Variants in NRG1 observed in about 807,000 individuals in gnomAD.
NRG1 encodes the protein pro-neuregulin-1, membrane-bound isoform.
In NRG1, 18 loss-of-function variants were observed where a neutral mutation model predicts 63.8. The ratio of observed to expected loss-of-function variants is 0.28; its 90% confidence interval spans 0.19 to 0.42. The LOEUF (loss-of-function observed/expected upper bound fraction) is 0.42. NRG1 is among the 10% of genes least tolerant of loss of function. The probability of loss-of-function intolerance (pLI) is 1.00; values close to 1 mark genes in which losing one functional copy is unlikely to be tolerated. For synonymous variants in NRG1, 302 were observed against 301.3 expected (o/e 1.00, Z -0.02); for missense variants, 762 against 814.7 (o/e 0.94, Z 0.79).
intron 1 of NRG1, among the ~76,000 whole-genome samples, chr8:31,938,223 C>T (rs111995310): frequency 3.9e-5 from 6 of 152,136 alleles, no homozygotes; most frequent in East Asian, 1.9e-4. Context: ...GAAGAGGGAT[C>T]GCATCATAGG....
chr8:31,865,341 A>T (rs1189008318), intron 1 of NRG1, among the ~76,000 whole-genome samples: 3 of 152,108 alleles, frequency 2.0e-5, no homozygotes, highest in Non-Finnish European at 4.4e-5. Context: ...ATTGAGAGTG[A>T]AGCAGGTGCT....
intron 1 of NRG1, among the ~76,000 whole-genome samples, chr8:32,032,141 A>C (rs1818347502): frequency 6.6e-6 from 1 of 151,878 alleles, no homozygotes; most frequent in Admixed American, 6.6e-5. Flanking sequence ...AATAATCTCC[A>C]TTCTAATTGG....
At chr8:31,922,631 A>T (rs1834008755) in intron 1 of NRG1, among the ~76,000 whole-genome samples, 1 of 152,216 alleles carries the variant, frequency 6.6e-6, no homozygotes. Context: ...AACAACAAAG[A>T]GGAAAATGAG....
intron 1 of NRG1, among the ~76,000 whole-genome samples, chr8:31,959,836 TA>T (rs1805146727): frequency 8.2e-6 from 1 of 122,470 alleles, no homozygotes. Context: ...TTTATTTATT[TA>T]TTATAGAGAT....
chr8:32,694,317 T>C (rs989996478), intron 5 of NRG1, among the ~76,000 whole-genome samples: 2 of 152,216 alleles, frequency 1.3e-5, no homozygotes, highest in African/African-American at 4.8e-5. Context: ...TGACTGTTTC[T>C]TTTTTCCCAT....
intron 1 of NRG1, among the ~76,000 whole-genome samples, chr8:32,058,492 G>A (rs1396336664): frequency 6.6e-6 from 1 of 151,990 alleles, no homozygotes; most frequent in Non-Finnish European, 1.5e-5. Flanking sequence ...TCAAAATACC[G>A]CCAATGAGTT....
chr8:32,227,403 T>A (rs1163592975), intron 1 of NRG1, among the ~76,000 whole-genome samples: 2 of 152,204 alleles, frequency 1.3e-5, no homozygotes, highest in Non-Finnish European at 2.9e-5. Flanking sequence ...ATAAGATTTT[T>A]AAAAATTACA....
intron 1 of NRG1, among the ~76,000 whole-genome samples, chr8:32,007,934 C>A (rs552416436): frequency 1.3e-5 from 2 of 151,880 alleles, no homozygotes; most frequent in Non-Finnish European, 2.9e-5. Flanking sequence ...CTACTCAGTG[C>A]CCATCCCCCA....
chr8:32,630,730 T>TG (rs1012974198), intron 5 of NRG1, among the ~76,000 whole-genome samples: 4 of 102,652 alleles, frequency 3.9e-5, no homozygotes, highest in Non-Finnish European at 7.8e-5. Context: ...AGATTTTAGG[T>TG]TTTTTTTTTT....
chr8:32,231,957 G>A (rs1422285361), intron 1 of NRG1, among the ~76,000 whole-genome samples: 2 of 151,794 alleles, frequency 1.3e-5, no homozygotes, highest in East Asian at 1.9e-4. Flanking sequence ...AGACTGGAGT[G>A]CAGTGGCATG....
intron 1 of NRG1, among the ~76,000 whole-genome samples, chr8:32,516,749 G>A (rs947120994): frequency 6.6e-6 from 1 of 151,970 alleles, no homozygotes; most frequent in Non-Finnish European, 1.5e-5. Context: ...TCAGATTATT[G>A]TTTTATAAAA....
intron 1 of NRG1, among the ~76,000 whole-genome samples, chr8:32,454,515 G>GA (rs970227996): frequency 3.0e-5 from 4 of 134,544 alleles, no homozygotes; most frequent in Admixed American, 1.5e-4. Flanking sequence ...ATTTTAGTAA[G>GA]AAAAAAAACC....
intron 1 of NRG1, among the ~76,000 whole-genome samples, chr8:32,459,427 GT>G (rs1822027615): frequency 6.7e-6 from 1 of 148,238 alleles, no homozygotes; most frequent in South Asian, 2.1e-4. Context: ...TTTATTTTAC[GT>G]TTGCCTTTTC....
At chr8:31,972,655 T>C (rs1563635015) in intron 1 of NRG1, among the ~76,000 whole-genome samples, 3 of 152,170 alleles carry the variant, frequency 2.0e-5, no homozygotes, top group Admixed American at 6.5e-5. Context: ...CAACTCATCC[T>C]TTTTACAAAC....
At chr8:32,173,674 A>G (rs1396942884) in intron 1 of NRG1, among the ~76,000 whole-genome samples, 1 of 152,220 alleles carries the variant, frequency 6.6e-6, no homozygotes, top group African/African-American at 2.4e-5. Flanking sequence ...AAACAAAAAA[A>G]GGCAGGGATT....
upstream of NRG1, chr8:32,548,072 C>T (rs1049350290): frequency 4.2e-5 from 15 of 360,056 alleles, no homozygotes; most frequent in Non-Finnish European, 5.4e-5. Flanking sequence ...TCGGGGGTTC[C>T]CGGCAGCCGC....
chr8:32,742,148 C>T lies in NRG1; in HGVS notation c.633-527C>T. On this transcript the variant is annotated intron_variant, in intron 6 of 11. Transcript: ENST00000356819. The surrounding 1 kb of genome is among the most constrained non-coding windows in gnomAD (Gnocchi z 4.2). ...CAATCACTACCACTTGGTGCTTTTACAGCTCAGTCGTAACTGATTCATTTT... is the reference window on the plus strand; with the variant it reads ...CAATCACTACCACTTGGTGCTTTTATAGCTCAGTCGTAACTGATTCATTTT... 2 of 1,215,120 alleles carry T rather than the reference C, an allele frequency of 1.6e-6. No individual in the cohort carries two copies. Among genetic ancestry groups the T allele is most frequent in the Non-Finnish European group, 2.4e-6 (2 of 820,020 alleles). The allele number at this position is 1,215,120 out of a possible 1,614,324, so 75.3% of individuals were successfully genotyped here.
At chr8:32,302,169 T>C (rs1855647085) in intron 1 of NRG1, among the ~76,000 whole-genome samples, 1 of 152,206 alleles carries the variant, frequency 6.6e-6, no homozygotes, top group Non-Finnish European at 1.5e-5. Flanking sequence ...GTTATGGTCT[T>C]GGGGGTGCAG....
At chr8:32,037,470 C>T (rs1281820501) in intron 1 of NRG1, among the ~76,000 whole-genome samples, 2 of 152,214 alleles carry the variant, frequency 1.3e-5, no homozygotes. Context: ...GTGTCCTGCA[C>T]TCAGGAGAAT....
Sources: allele counts gnomAD v4.1 joint callset (sites outside exome capture counted in the v4.1 genomes callset), GRCh38; gene constraint gnomAD v4.1.1; non-coding constraint Gnocchi (gnomAD v3.1); transcripts MANE v1.5; gene names NCBI Gene and HGNC (gene_info 2026-07-23, HGNC 2026-07-21).